TBC1D19: variants seen among roughly 807,000 people sequenced by gnomAD.
TBC1D19 encodes the protein TBC1 domain family, member 19.
A neutral mutation model predicts 89.0 loss-of-function variants in TBC1D19; 60 were observed. The observed-to-expected ratio is 0.67, with a 90% CI of 0.55 to 0.84. The LOEUF is 0.84. Ranked by LOEUF, TBC1D19 falls within the 40% of genes least tolerant of loss-of-function variation. The probability of loss-of-function intolerance (pLI) is 0.00; values close to 1 mark genes in which losing one functional copy is unlikely to be tolerated. For synonymous variants in TBC1D19, 189 were observed against 199.7 expected (o/e 0.95, Z 0.45); for missense variants, 500 against 610.8 (o/e 0.82, Z 1.91).
intron 3 of TBC1D19, among the ~76,000 whole-genome samples, chr4:26,618,255 GA>G (rs1741821569): frequency 6.6e-6 from 1 of 152,146 alleles, no homozygotes; most frequent in Admixed American, 6.5e-5. Flanking sequence ...AATGATTAGG[GA>G]AATACAAGGA....
chr4:26,581,991 T>G (rs1402685236), upstream of TBC1D19, among the ~76,000 whole-genome samples: 5 of 152,094 alleles, frequency 3.3e-5, no homozygotes, highest in African/African-American at 1.2e-4. Context: ...TTTTTTTGCT[T>G]GGACATGCTT....
chr4:26,729,300 C>T (rs2109291373), intron 15 of TBC1D19, among the ~76,000 whole-genome samples: 1 of 152,332 alleles, frequency 6.6e-6, no homozygotes, highest in South Asian at 2.1e-4. Flanking sequence ...CTTGCTGCTT[C>T]TGTACCTATG....
At chr4:26,795,262 CCTT>C in the TBC1D19 span, among the ~76,000 whole-genome samples, 37,433 of 152,002 alleles carry the variant, frequency 0.25, 5,684 homozygotes, top group Non-Finnish European at 0.34. Context: ...TGCTCCCTCA[CCTT>C]CTCTTGGCTT....
chr4:26,769,247 C>G, the TBC1D19 span, among the ~76,000 whole-genome samples: 1 of 151,782 alleles, frequency 6.6e-6, no homozygotes, highest in Non-Finnish European at 1.5e-5. Flanking sequence ...CCTACAAGAG[C>G]TGAAAGAAAT....
At chr4:26,580,836 T>C (rs1055982219), upstream of TBC1D19, among the ~76,000 whole-genome samples, 9 of 152,240 alleles carry the variant, frequency 5.9e-5, no homozygotes, top group Admixed American at 1.3e-4. Context: ...TTGTTTTTAA[T>C]GCGTTCCACA....
At chr4:26,712,930 A>C (rs1716299204) in intron 13 of TBC1D19, among the ~76,000 whole-genome samples, 1 of 152,032 alleles carries the variant, frequency 6.6e-6, no homozygotes, top group Non-Finnish European at 1.5e-5. Flanking sequence ...TTTCAACAGG[A>C]GTTTTCACAG....
At chr4:26,638,746 C>T (rs148520687) in intron 5 of TBC1D19, 25 bp from the exon 6 acceptor site, 14 of 1,580,958 alleles carry the variant, frequency 8.9e-6, no homozygotes, top group Middle Eastern at 1.7e-4. Flanking sequence ...TGAAATGAAA[C>T]CAGTTTCAAA....
At chr4:26,602,783 A>G (rs1039894838) in intron 1 of TBC1D19, among the ~76,000 whole-genome samples, 2 of 152,278 alleles carry the variant, frequency 1.3e-5, no homozygotes, top group Non-Finnish European at 2.9e-5. Context: ...CAGTGAAAAA[A>G]AAAAAAGAAC....
At chr4:26,844,016 A>T in the TBC1D19 span, among the ~76,000 whole-genome samples, 6 of 152,184 alleles carry the variant, frequency 3.9e-5, no homozygotes, top group Non-Finnish European at 8.8e-5. Flanking sequence ...ACCTCCTACC[A>T]TGTCCACCTC....
chr4:26,607,989 G>T (rs1741115250), intron 1 of TBC1D19, among the ~76,000 whole-genome samples: 1 of 152,144 alleles, frequency 6.6e-6, no homozygotes, highest in Non-Finnish European at 1.5e-5. Flanking sequence ...TTCAACACAG[G>T]CCCCTAGTGA....
chr4:26,658,649 G>A (rs1292808076), intron 7 of TBC1D19, among the ~76,000 whole-genome samples: 1 of 152,134 alleles, frequency 6.6e-6, no homozygotes, highest in African/African-American at 2.4e-5. Flanking sequence ...TTTGGGGATA[G>A]CATTGAATCT....
In TBC1D19 at chr4:26,662,472, G is replaced by T. The variant is rs573638663; in HGVS notation, c.591+2765G>T. Among the ~76,000 whole-genome samples, 3 of 152,154 alleles carry T rather than the reference G, an allele frequency of 2.0e-5. No individual in the cohort carries two copies. In the East Asian group the frequency reaches 5.8e-4, roughly 29 times the overall value. On this transcript the variant is annotated intron_variant, in intron 8 of 20. Coordinates refer to ENST00000264866, the MANE Select transcript of TBC1D19 (RefSeq NM_018317.4). ...TTAAATTACAAGATCAATCTACAAA[G>T]ATTAACATCTGACCAAAAGGAGTTC...
the TBC1D19 span, among the ~76,000 whole-genome samples, chr4:26,817,865 G>A: frequency 6.6e-6 from 1 of 151,482 alleles, no homozygotes; most frequent in East Asian, 1.9e-4. Flanking sequence ...CCACTTGAAA[G>A]GCTGAGACAG....
chr4:26,646,053 G>A (rs1743915199), intron 7 of TBC1D19, among the ~76,000 whole-genome samples: 4 of 150,368 alleles, frequency 2.7e-5, no homozygotes, highest in Admixed American at 2.7e-4. Context: ...ACCCCGGGAG[G>A]CGGAGCTTGC....
intron 1 of TBC1D19, among the ~76,000 whole-genome samples, chr4:26,587,936 G>T (rs1200688268): frequency 6.7e-6 from 1 of 150,182 alleles, no homozygotes; most frequent in African/African-American, 2.4e-5. Context: ...GTATAAAATT[G>T]TTTATATGAT....
chr4:26,707,379 A>C (rs1459733260), intron 13 of TBC1D19, among the ~76,000 whole-genome samples: 1 of 151,968 alleles, frequency 6.6e-6, no homozygotes, highest in Non-Finnish European at 1.5e-5. Flanking sequence ...TACTATTTGC[A>C]TGGAGGGTCT....
intron 5 of TBC1D19, among the ~76,000 whole-genome samples, chr4:26,638,070 A>C (rs902806958): frequency 3.9e-5 from 6 of 152,050 alleles, no homozygotes; most frequent in African/African-American, 1.5e-4. Context: ...TTCTATTTAG[A>C]TCTAATACTC....
the TBC1D19 span, among the ~76,000 whole-genome samples, chr4:26,828,490 C>T: frequency 6.6e-6 from 1 of 152,242 alleles, no homozygotes; most frequent in Non-Finnish European, 1.5e-5. Flanking sequence ...CATCTTTGGA[C>T]TAGCCTGTGC....
rs780696930 is a variant in TBC1D19 at position 26,712,546 on chromosome 4, A to G, written c.955-5387A>G. ...TCCTAAATAATCTCCCCATTTAAAA[A>G]TCTTCTATTTAATCACATCTGCATA... On this transcript the variant is annotated intron_variant, in intron 13 of 20. Transcript: ENST00000264866. Among the ~76,000 whole-genome samples, 36 of 152,082 alleles carry G rather than the reference A, an allele frequency of 2.4e-4. 1 individual carries two copies. Among genetic ancestry groups the G allele is most frequent in the Non-Finnish European group, 4.9e-4 (33 of 67,984 alleles).
Sources: gnomAD v4.1 joint callset for allele counts (sites outside exome capture counted in the v4.1 genomes callset) on GRCh38, gnomAD v4.1.1 for gene constraint, MANE v1.5 for transcripts, NCBI Gene and HGNC (gene_info 2026-07-23, HGNC 2026-07-21) for gene names.